PTPN4: variants seen among roughly 807,000 people sequenced by gnomAD.
The protein encoded by PTPN4 is tyrosine-protein phosphatase non-receptor type 4.
In PTPN4, 49 loss-of-function variants were observed where a neutral mutation model predicts 135.5. The ratio of observed to expected loss-of-function variants is 0.36; its 90% CI spans 0.29 to 0.46. The LOEUF (loss-of-function observed/expected upper bound fraction) is 0.46. Among genes scored for constraint, PTPN4 ranks in the 20% least tolerant of loss-of-function variants. The pLI is 1.00. For synonymous variants in PTPN4, 333 were observed against 369.9 expected, an observed-to-expected ratio of 0.90 and a Z score of 1.14; for missense variants, 860 against 1,101.0, an observed-to-expected ratio of 0.78 and a Z score of 3.10.
At position 119,946,387 on chromosome 2, in the gene PTPN4, A is replaced by T. The variant is rs145459258; in HGVS notation, c.1562A>T (p.Lys521Ile). The stretch of plus-strand genomic sequence containing the variant: ...GATAATCTTGTCCTAATCAGAATGA[A>T]ACCTGATGAAAATGGGAGGTTTGGA... The part of the protein sequence containing the change: ...PHDNLVLIRM[K>I]PDENGRFGFN... The change falls in exon 17 of 27, where the codon AAA becomes ATA. Residue 521 changes from lysine to isoleucine, a missense_variant. Physicochemically the swap from Lys to Ile is moderately radical, Grantham distance 102. Coordinates refer to ENST00000263708, the MANE Select transcript of PTPN4 (RefSeq NM_002830.4). 192 of 1,611,864 alleles carry T rather than the reference A, an allele frequency of 1.2e-4. No individual in the cohort carries two copies. The highest frequency in any genetic ancestry group is 8.2e-5 in the Non-Finnish European group (97 of 1,178,824).
Position 119,952,132 on chromosome 2 carries a change from G to A in PTPN4, c.1813+3G>A. 6.2e-7 allele frequency: 1 copy of A among 1,608,486 alleles called. No homozygotes were observed. Among genetic ancestry groups the A allele is most frequent in the Non-Finnish European group, 8.5e-7 (1 of 1,175,692 alleles). The stretch of plus-strand genomic sequence containing the variant: ...CATGCTTCTAGTTCGACCTAATGGT[G>A]AGTACTCTATGTAGTACCAGATAAT... On this transcript the variant is annotated splice_donor_region_variant and intron_variant, in intron 19 of 26. Coordinates refer to ENST00000263708, the MANE Select transcript of PTPN4 (RefSeq NM_002830.4).
chr2:119,904,555 C>A (rs903650866), intron 10 of PTPN4, among the ~76,000 whole-genome samples: 1 of 152,030 alleles, frequency 6.6e-6, no homozygotes, highest in South Asian at 2.1e-4. Flanking sequence ...CTCAAAGAAC[C>A]CCACAGACAT....
At chr2:119,859,753 G>C (rs1420229715) in intron 2 of PTPN4, among the ~76,000 whole-genome samples, 4 of 152,168 alleles carry the variant, frequency 2.6e-5, no homozygotes, top group African/African-American at 7.2e-5. Flanking sequence ...ACTCGGTACT[G>C]TTTGGAAGTG....
intron 3 of PTPN4, among the ~76,000 whole-genome samples, chr2:119,863,474 T>C (rs1677789638): frequency 6.6e-6 from 1 of 152,118 alleles, no homozygotes; most frequent in Admixed American, 6.5e-5. Context: ...GAAGAAATGG[T>C]TCTGGATTAA....
In PTPN4 at chr2:119,926,681, T is replaced by C. The variant is rs745772782; in HGVS notation, c.1070+15T>C. The C allele has an allele frequency of 6.4e-7, 1 of 1,563,344 alleles. No homozygotes were observed. The highest frequency in any genetic ancestry group is 8.7e-7 in the Non-Finnish European group (1 of 1,148,328). On this transcript the variant is annotated intron_variant, in intron 13 of 26. Transcript: ENST00000263708. ...GTATTTGCAAGGTAAGCCAAATCTG[T>C]TTCATTGTTTGAATTTTTTTAAAAA... is the stretch of plus-strand genomic sequence containing the variant.
chr2:119,765,844 T>C (rs1256857215), intron 1 of PTPN4, among the ~76,000 whole-genome samples: 1 of 152,060 alleles, frequency 6.6e-6, no homozygotes. Flanking sequence ...TTTGGAGAAA[T>C]GTAAGTTGTC....
chr2:119,935,105 G>C, intron 15 of PTPN4, 147 bp downstream of exon 15: 1 of 911,604 alleles, frequency 1.1e-6, no homozygotes, highest in Non-Finnish European at 1.6e-6. Flanking sequence ...ATGCTCATTT[G>C]TTCCTGAGAG....
intron 3 of PTPN4, among the ~76,000 whole-genome samples, chr2:119,865,077 C>G (rs977964921): frequency 5.3e-5 from 8 of 152,130 alleles, no homozygotes; most frequent in African/African-American, 1.9e-4. Context: ...GTCCACTGCA[C>G]TGCAGTTTCA....
intron 1 of PTPN4, among the ~76,000 whole-genome samples, chr2:119,791,845 G>T (rs991053616): frequency 3.3e-5 from 5 of 152,066 alleles, no homozygotes; most frequent in African/African-American, 7.2e-5. Context: ...ATTTGAGGAG[G>T]TAGGTGCCAT....
intron 1 of PTPN4, among the ~76,000 whole-genome samples, chr2:119,773,192 A>G (rs1215923770): frequency 6.6e-6 from 1 of 152,130 alleles, no homozygotes; most frequent in East Asian, 1.9e-4. Flanking sequence ...ACTAATTTAT[A>G]ATATCGTAGA....
chr2:119,929,343 T>G (rs1355297438), intron 13 of PTPN4, among the ~76,000 whole-genome samples: 1 of 152,012 alleles, frequency 6.6e-6, no homozygotes, highest in East Asian at 1.9e-4. Context: ...TAACCTAGAG[T>G]TCTTTTTTTT....
chr2:119,910,667 G>A (rs563701239), intron 10 of PTPN4, among the ~76,000 whole-genome samples: 123 of 152,252 alleles, frequency 8.1e-4, no homozygotes, highest in African/African-American at 2.7e-3. Flanking sequence ...TCATGATAAT[G>A]AGTGAGTCTC....
At chr2:119,760,876 A>G in intron 1 of PTPN4, among the ~76,000 whole-genome samples, 1 of 149,504 alleles carries the variant, frequency 6.7e-6, no homozygotes, top group East Asian at 1.9e-4. Context: ...TGAGCCAAAA[A>G]AAAAAAAAAA....
At chr2:119,959,970 T>TA (rs1173527170) in intron 22 of PTPN4, among the ~76,000 whole-genome samples, 6 of 152,186 alleles carry the variant, frequency 3.9e-5, no homozygotes, top group African/African-American at 1.4e-4. Flanking sequence ...GAAGATGAAG[T>TA]AAAAAAGACA....
chr2:119,901,477 T>G (rs993934223), intron 10 of PTPN4, among the ~76,000 whole-genome samples: 2 of 152,202 alleles, frequency 1.3e-5, no homozygotes, highest in South Asian at 2.1e-4. Flanking sequence ...ACACAAACAT[T>G]AAACATAGTC....
rs372550681 is a variant in PTPN4 at position 119,889,080 on chromosome 2, C to A, written c.675+3198C>A. ...GGTAGGTTATATGTTTCCAGGAATTCATTTCCTCTAGGTTTCCCAGTTTGT... is the reference window on the plus strand; with the variant it reads ...GGTAGGTTATATGTTTCCAGGAATTAATTTCCTCTAGGTTTCCCAGTTTGT... On this transcript the variant is annotated intron_variant, in intron 9 of 26. Coordinates refer to ENST00000263708, the MANE Select transcript of PTPN4 (RefSeq NM_002830.4). Among the ~76,000 whole-genome samples, 87 of 152,172 alleles carry A rather than the reference C, an allele frequency of 5.7e-4. 3 individuals carry two copies. In the South Asian group the frequency reaches 0.018, roughly 31 times the overall value.
intron 15 of PTPN4, among the ~76,000 whole-genome samples, chr2:119,935,907 C>T (rs1314778070): frequency 6.6e-6 from 1 of 152,068 alleles, no homozygotes; most frequent in Non-Finnish European, 1.5e-5. Flanking sequence ...AAACCAAAAC[C>T]AATATAATTC....
At chr2:119,966,400 A>G (rs1412769956) in intron 25 of PTPN4, among the ~76,000 whole-genome samples, 1 of 152,178 alleles carries the variant, frequency 6.6e-6, no homozygotes, top group Non-Finnish European at 1.5e-5. Context: ...CTAGAGGTAC[A>G]GGTGTACCAC....
intron 2 of PTPN4, among the ~76,000 whole-genome samples, chr2:119,834,988 A>G (rs1022026261): frequency 1.3e-5 from 2 of 152,158 alleles, no homozygotes; most frequent in Non-Finnish European, 2.9e-5. Flanking sequence ...TGACTTACAT[A>G]TAGACAGCAT....
Sources: gnomAD v4.1 joint callset for allele counts (sites outside exome capture counted in the v4.1 genomes callset) on GRCh38, gnomAD v4.1.1 for gene constraint, MANE v1.5 for transcripts, NCBI Gene and HGNC (gene_info 2026-07-23, HGNC 2026-07-21) for gene names.